Variants in SLC30A8 observed in about 807,000 individuals in gnomAD.
SLC30A8 encodes the protein solute carrier family 30 member 8, also known as proton-coupled zinc antiporter SLC30A8.
Under a neutral mutation model 36.9 loss-of-function variants are expected in SLC30A8, and 27 were observed. The ratio of observed to expected loss-of-function variants is 0.73; its 90% confidence interval spans 0.54 to 1.01. The LOEUF is 1.01. Ranked by LOEUF, SLC30A8 falls within the 50% of genes least tolerant of loss-of-function variation. The probability of loss-of-function intolerance (pLI) is 0.00; values close to 1 mark genes in which losing one functional copy is unlikely to be tolerated. For missense variants in SLC30A8, 439 were observed against 452.0 expected, an observed-to-expected ratio of 0.97 and a Z score of 0.26; for synonymous variants, 164 against 172.4, an observed-to-expected ratio of 0.95 and a Z score of 0.38.
At chr8:116,968,250 T>C (rs1350260317) in intron 1 of SLC30A8, among the ~76,000 whole-genome samples, 1 of 151,844 alleles carries the variant, frequency 6.6e-6, no homozygotes, top group Non-Finnish European at 1.5e-5. Context: ...TTTATTAGAT[T>C]ACAACAAAAA....
At chr8:117,122,781 G>A (rs573834575) in intron 2 of SLC30A8, among the ~76,000 whole-genome samples, 3 of 151,940 alleles carry the variant, frequency 2.0e-5, no homozygotes, top group South Asian at 2.1e-4. Flanking sequence ...GAGCTTTGTC[G>A]TGTCTTTGGT....
chr8:117,116,061 C>T (rs1447773825), intron 2 of SLC30A8, among the ~76,000 whole-genome samples: 2 of 152,000 alleles, frequency 1.3e-5, no homozygotes, highest in Non-Finnish European at 2.9e-5. Context: ...CTTCTGTACG[C>T]CCTTTCTTGA....
chr8:117,073,917 A>G (rs995283561), intron 2 of SLC30A8, among the ~76,000 whole-genome samples: 1 of 147,864 alleles, frequency 6.8e-6, no homozygotes, highest in African/African-American at 2.5e-5. Flanking sequence ...CAGTCTACTC[A>G]TTCTGTTCTT....
intron 1 of SLC30A8, among the ~76,000 whole-genome samples, chr8:117,038,942 A>C (rs1207207801): frequency 6.6e-6 from 1 of 152,240 alleles, no homozygotes; most frequent in East Asian, 1.9e-4. Context: ...TAGATGCCTA[A>C]GTGCAGTTGT....
intron 5 of SLC30A8, 116 bp downstream of exon 5, chr8:117,162,004 C>G: frequency 1.2e-6 from 1 of 847,312 alleles, no homozygotes; most frequent in Non-Finnish European, 1.7e-6. Flanking sequence ...ATACAAACTA[C>G]TTTGCAAAGC....
intron 1 of SLC30A8, among the ~76,000 whole-genome samples, chr8:117,021,483 A>C (rs1816693719): frequency 6.6e-6 from 1 of 152,226 alleles, no homozygotes; most frequent in Non-Finnish European, 1.5e-5. Flanking sequence ...TTATTGAAGG[A>C]GATTAAAGAA....
chr8:116,982,345 A>G (rs1203475994), intron 1 of SLC30A8, among the ~76,000 whole-genome samples: 3 of 152,006 alleles, frequency 2.0e-5, no homozygotes, highest in African/African-American at 7.3e-5. Flanking sequence ...TTGTCCATAG[A>G]TTCTTGGAGA....
intron 2 of SLC30A8, among the ~76,000 whole-genome samples, chr8:117,063,626 C>A (rs560504131): frequency 6.6e-6 from 1 of 152,148 alleles, no homozygotes; most frequent in African/African-American, 2.4e-5. Flanking sequence ...TGTTCCCTGG[C>A]AACCGTCAAT....
chr8:117,116,375 G>A (rs1293057219), intron 2 of SLC30A8, among the ~76,000 whole-genome samples: 3 of 151,914 alleles, frequency 2.0e-5, no homozygotes, highest in South Asian at 4.2e-4. Context: ...CTGATGTCAC[G>A]GACAATTGAA....
chr8:117,048,158 A>G (rs1417680283), intron 2 of SLC30A8, among the ~76,000 whole-genome samples: 2 of 152,188 alleles, frequency 1.3e-5, no homozygotes, highest in Non-Finnish European at 2.9e-5. Flanking sequence ...TTCTTGCACA[A>G]GATCCAAGAA....
chr8:116,972,860 C>T (rs1814838293), intron 1 of SLC30A8, among the ~76,000 whole-genome samples: 1 of 152,144 alleles, frequency 6.6e-6, no homozygotes, highest in South Asian at 2.1e-4. Context: ...TAAAAAAGCC[C>T]TCTAATTTTT....
At chr8:116,959,654 A>G (rs1336381445) in intron 1 of SLC30A8, among the ~76,000 whole-genome samples, 2 of 152,116 alleles carry the variant, frequency 1.3e-5, no homozygotes, top group African/African-American at 2.4e-5. Flanking sequence ...GTTAGATGGA[A>G]CCAGAGCAGC....
Position 117,161,876 on chromosome 8 carries a change from T to G in SLC30A8, c.711T>G (p.Ile237Met). The change falls in exon 5 of 8, where the codon ATT becomes ATG. Residue 237 changes from isoleucine to methionine, a missense_variant. Transcript: ENST00000456015. The stretch of plus-strand genomic sequence containing the variant: ...TCAGTGTGCTAATTAGTGCACTTAT[T>G]ATCTACTTTAAGGTGAGTTTGAGTT... ...QSISVLISAL[I>M]IYFKPEYKIA... The G allele has an allele frequency of 6.2e-7, 1 of 1,613,282 alleles. No homozygotes were observed. The highest frequency in any genetic ancestry group is 1.1e-5 in the South Asian group (1 of 90,982).
chr8:117,165,224 C>T (rs1240669154), intron 6 of SLC30A8, among the ~76,000 whole-genome samples: 1 of 152,138 alleles, frequency 6.6e-6, no homozygotes, highest in Admixed American at 6.5e-5. Flanking sequence ...AATATCACAT[C>T]CACAATATAG....
At chr8:116,985,179 A>T (rs1466137721) in intron 1 of SLC30A8, among the ~76,000 whole-genome samples, 1 of 151,914 alleles carries the variant, frequency 6.6e-6, no homozygotes, top group Admixed American at 6.6e-5. Flanking sequence ...AGAAAAAAAA[A>T]TTTGCCTTTA....
intron 1 of SLC30A8, among the ~76,000 whole-genome samples, chr8:116,979,369 G>A (rs1011562799): frequency 1.3e-5 from 2 of 151,832 alleles, no homozygotes; most frequent in Non-Finnish European, 2.9e-5. Context: ...AAACATAAAT[G>A]CATAAAGCAG....
At chr8:117,025,072 C>T (rs2130730565) in intron 1 of SLC30A8, among the ~76,000 whole-genome samples, 1 of 152,288 alleles carries the variant, frequency 6.6e-6, no homozygotes, top group South Asian at 2.1e-4. Flanking sequence ...CATTCTGTCA[C>T]TTAGTTTAAG....
chr8:117,045,711 G>T (rs537533458), intron 2 of SLC30A8, among the ~76,000 whole-genome samples: 1 of 152,344 alleles, frequency 6.6e-6, no homozygotes, highest in South Asian at 2.1e-4. Context: ...GCTCGCAGCA[G>T]CAGTCCTTTC....
At chr8:117,088,729 C>G (rs1439051870) in intron 2 of SLC30A8, among the ~76,000 whole-genome samples, 1 of 152,188 alleles carries the variant, frequency 6.6e-6, no homozygotes, top group African/African-American at 2.4e-5. Context: ...ACATGTTTTT[C>G]CAAGTACCCC....
Sources: gnomAD v4.1 joint callset for allele counts (sites outside exome capture counted in the v4.1 genomes callset) on GRCh38, gnomAD v4.1.1 for gene constraint, MANE v1.5 for transcripts, NCBI Gene and HGNC (gene_info 2026-07-23, HGNC 2026-07-21) for gene names.